Variants in TLE2 observed in about 807,000 individuals in gnomAD.
The protein encoded by TLE2 is TLE family member 2, transcriptional corepressor.
A neutral mutation model predicts 97.2 loss-of-function variants in TLE2; 74 were observed. That is an observed-to-expected ratio of 0.76 (90% confidence interval 0.63 to 0.92). TLE2 has a LOEUF of 0.92. TLE2 is among the 40% of genes least tolerant of loss of function. The pLI, the probability that TLE2 is intolerant of heterozygous loss-of-function variation, is 0.00. For missense variants in TLE2, 1,038 were observed against 1,008.7 expected, an observed-to-expected ratio of 1.03 and a Z score of -0.39; for synonymous variants, 499 against 432.1, an observed-to-expected ratio of 1.15 and a Z score of -1.92.
intron 11 of TLE2, among the ~76,000 whole-genome samples, chr19:3,012,611 G>T (rs1402065879): frequency 6.6e-6 from 1 of 152,206 alleles, no homozygotes; most frequent in Admixed American, 6.5e-5. Context: ...GGTGAAGGAA[G>T]AGTGCCTAGC....
intron 11 of TLE2, 63 bp from the exon 12 acceptor site, chr19:3,011,223 G>T (rs886934061): frequency 1.1e-5 from 16 of 1,489,858 alleles, no homozygotes; most frequent in Admixed American, 4.8e-5. Flanking sequence ...CCAACGATCT[G>T]ATCAGAAACT....
chr19:3,040,755 A>G (rs1017123178), intron 1 of TLE2, among the ~76,000 whole-genome samples: 7 of 149,464 alleles, frequency 4.7e-5, no homozygotes, highest in African/African-American at 1.7e-4. Flanking sequence ...TCCCACCTCA[A>G]CCTCCCAAGT....
In TLE2 at chr19:3,016,208, T is replaced by C. The variant is rs533265625; in HGVS notation, c.571-448A>G. Among the ~76,000 whole-genome samples the C allele has an allele frequency of 1.7e-3, 249 of 148,836 alleles. 1 individual carries two copies. Among genetic ancestry groups the C allele is most frequent in the African/African-American group, 6.0e-3 (244 of 40,752 alleles). On this transcript the variant is annotated intron_variant, in intron 8 of 19. Transcript: ENST00000262953. ...GCCTCGGCCTCCCAAAGTGCTGGGATTACAGGCATGAGCCACCGCAACCAG... is the reference window on the plus strand; with the variant it reads ...GCCTCGGCCTCCCAAAGTGCTGGGACTACAGGCATGAGCCACCGCAACCAG...
intron 5 of TLE2, among the ~76,000 whole-genome samples, chr19:3,021,846 G>A (rs1201245636): frequency 1.3e-5 from 2 of 152,206 alleles, no homozygotes; most frequent in African/African-American, 4.8e-5. Flanking sequence ...GCCTCCCAAA[G>A]TGCTGGTATT....
intron 17 of TLE2, among the ~76,000 whole-genome samples, chr19:3,002,914 G>C (rs1366334546): frequency 6.6e-6 from 1 of 152,116 alleles, no homozygotes. Flanking sequence ...GGCCAGGCTG[G>C]TCTCAAACTG....
Position 3,019,699 on chromosome 19 carries a change from C to A in TLE2, c.369G>T (p.Gly123=), listed in dbSNP as rs199890383. 3.4e-5 allele frequency: 55 copies of A among 1,608,568 alleles called. 1 individual carries two copies. In the Admixed American group the frequency reaches 5.9e-4, roughly 17 times the overall value. The change falls in exon 6 of 20, where the codon GGG becomes GGT. Residue 123 remains glycine (G), a splice_region_variant and synonymous_variant. Coordinates refer to ENST00000262953, the MANE Select transcript of TLE2 (RefSeq NM_003260.5). The surrounding 1 kb of genome is among the most constrained non-coding windows in gnomAD (Gnocchi z 5.1). ...VTVGELNSLI[G]QQLQPLSHHA... ...CGGGGCAGGGGCTAGAGAGACTCAC[C>A]CCGATGAGGCTGTTCAGCTCCCCCA... is the stretch of plus-strand genomic sequence containing the variant.
intron 9 of TLE2, among the ~76,000 whole-genome samples, chr19:3,015,107 C>G (rs1262267551): frequency 2.0e-5 from 3 of 147,226 alleles, no homozygotes; most frequent in Non-Finnish European, 4.5e-5. Context: ...TTTAAGGCTT[C>G]TCTGAGAAAC....
chr19:3,023,759 G>A (rs1338608682), intron 5 of TLE2, among the ~76,000 whole-genome samples: 1 of 151,680 alleles, frequency 6.6e-6, no homozygotes, highest in Non-Finnish European at 1.5e-5. Context: ...GGGCGTGGTG[G>A]TGCACGCCTG....
At chr19:3,020,470 T>C (rs2089815397) in intron 5 of TLE2, 1 of 151,752 alleles carries the variant, frequency 6.6e-6, no homozygotes, top group Admixed American at 6.6e-5. Context: ...CTGTGATAAA[T>C]CGGCACCATG....
At chr19:3,012,795 C>T (rs573247753) in intron 11 of TLE2, among the ~76,000 whole-genome samples, 13 of 152,314 alleles carry the variant, frequency 8.5e-5, no homozygotes, top group East Asian at 1.9e-4. Flanking sequence ...CAAGAAACTT[C>T]GCATCCTTGT....
chr19:3,001,791 CTTTTTTTTTTTTTT>C (rs562875053), intron 18 of TLE2, among the ~76,000 whole-genome samples: 1 of 111,468 alleles, frequency 9.0e-6, no homozygotes, highest in African/African-American at 3.6e-5. Flanking sequence ...TCTTTTCTTT[CTTTTTTTTTTTTTT>C]TTTTTTTTTA....
chr19:3,045,710 A>G (rs1232992611), intron 1 of TLE2: 1 of 439,058 alleles, frequency 2.3e-6, no homozygotes, highest in African/African-American at 2.0e-5. Flanking sequence ...GGGCGCCTGT[A>G]ATCCCAGCTA....
At position 3,013,668 on chromosome 19, in the gene TLE2, C is replaced by T. The variant is rs543435465; in HGVS notation, c.873+1G>A. 1.2e-5 allele frequency: 16 copies of T among 1,377,660 alleles called. No homozygotes were observed. Among genetic ancestry groups the T allele is most frequent in the Non-Finnish European group, 1.5e-5 (16 of 1,055,948 alleles). The allele number at this position is 1,377,660 out of a possible 1,614,324, so 85.3% of individuals were successfully genotyped here. A position where few individuals can be genotyped will look rare whatever the true frequency, so the allele number is the denominator to read the frequency against. On this transcript the variant is annotated splice_donor_variant, in intron 11 of 19. Transcript: ENST00000262953. LOFTEE classifies it high-confidence loss of function. ...TTTCAAGGCCCTCCCCTCCTCCTTA[C>T]CAGGATGAGCTCCTTGGCTCTAGGC... is the stretch of plus-strand genomic sequence containing the variant.
At chr19:3,011,232 CTG>C (rs1163587341) in intron 11 of TLE2, 72 bp from the exon 12 acceptor site, 5 of 1,477,116 alleles carry the variant, frequency 3.4e-6, no homozygotes, top group African/African-American at 1.4e-5. Context: ...TGATCAGAAA[CTG>C]GGGTTGGGGG....
chr19:3,038,084 T>A (rs1486316390), intron 1 of TLE2, among the ~76,000 whole-genome samples: 3 of 152,078 alleles, frequency 2.0e-5, no homozygotes, highest in Admixed American at 2.0e-4. Flanking sequence ...ATCACACCAC[T>A]GCACTCCAGC....
At chr19:3,016,805 G>C (rs918310704) in intron 8 of TLE2, among the ~76,000 whole-genome samples, 1 of 151,810 alleles carries the variant, frequency 6.6e-6, no homozygotes, top group Non-Finnish European at 1.5e-5. Flanking sequence ...TTGAGATGGA[G>C]TCTCGCTCTG....
At chr19:3,010,832 C>T (rs2089579616) in intron 12 of TLE2, among the ~76,000 whole-genome samples, 190 bp downstream of exon 12, 1 of 152,142 alleles carries the variant, frequency 6.6e-6, no homozygotes, top group Admixed American at 6.6e-5. Flanking sequence ...CCTCAGTTTC[C>T]CTACCCGCCG....
intron 12 of TLE2, among the ~76,000 whole-genome samples, chr19:3,010,085 C>G (rs1190161750): frequency 6.6e-6 from 1 of 150,508 alleles, no homozygotes; most frequent in South Asian, 2.1e-4. Context: ...CCAGGCCCAC[C>G]GAGCACAGTG....
chr19:3,028,968 G>A lies in TLE2; in HGVS notation c.-64C>T. On this transcript the variant is annotated 5_prime_UTR_variant, in exon 1 of 20. Transcript: ENST00000262953. ...TTGATGATATGGAGGCGGCAAGAGT[G>A]GGGGAGGCTGAAGTGGGGTGGTGGG... 2.5e-6 allele frequency: 4 copies of A among 1,581,846 alleles called. No homozygotes were observed. The highest frequency in any genetic ancestry group is 3.4e-6 in the Non-Finnish European group (4 of 1,165,336).
Sources: gnomAD v4.1 joint callset for allele counts (sites outside exome capture counted in the v4.1 genomes callset) on GRCh38, gnomAD v4.1.1 for gene constraint, Gnocchi (gnomAD v3.1) non-coding constraint, MANE v1.5 for transcripts, NCBI Gene and HGNC (gene_info 2026-07-23, HGNC 2026-07-21) for gene names.